Variants in TBC1D8 observed in about 807,000 individuals in gnomAD.
The protein encoded by TBC1D8 is BUB2-like protein 1.
A neutral mutation model predicts 118.8 loss-of-function variants in TBC1D8; 65 were observed. The ratio of observed to expected loss-of-function variants is 0.55; its 90% CI spans 0.45 to 0.67. TBC1D8 has a LOEUF of 0.67. TBC1D8 is among the 30% of genes least tolerant of loss of function. The pLI is 0.00. For synonymous variants in TBC1D8, 566 were observed against 595.8 expected (o/e 0.95, Z 0.73); for missense variants, 1,376 against 1,471.2 (o/e 0.94, Z 1.06).
chr2:101,134,896 G>A (rs755579603), intron 1 of TBC1D8, among the ~76,000 whole-genome samples: 1 of 152,272 alleles, frequency 6.6e-6, no homozygotes, highest in Non-Finnish European at 1.5e-5. Flanking sequence ...ATATTTGGCC[G>A]GGCACGGTGG....
chr2:101,017,387 ATATGC>A (rs1679733480), intron 17 of TBC1D8, among the ~76,000 whole-genome samples: 1 of 152,176 alleles, frequency 6.6e-6, no homozygotes, highest in African/African-American at 2.4e-5. Context: ...ATGTAATTTT[ATATGC>A]TATACTTTTA....
intron 1 of TBC1D8, among the ~76,000 whole-genome samples, chr2:101,106,879 T>C (rs764022370): frequency 3.9e-5 from 6 of 152,240 alleles, no homozygotes; most frequent in South Asian, 2.1e-4. Flanking sequence ...CACTTTGTTA[T>C]AGAATATGCT....
At chr2:101,101,762 G>A (rs897418299) in intron 1 of TBC1D8, among the ~76,000 whole-genome samples, 4 of 152,140 alleles carry the variant, frequency 2.6e-5, no homozygotes, top group Non-Finnish European at 5.9e-5. Flanking sequence ...AGATGAAGCT[G>A]GAAGCCATGA....
Position 101,008,013 on chromosome 2 carries a change from T to G in TBC1D8, c.3276A>C (p.Ala1092=). 6.2e-7 allele frequency: 1 copy of G among 1,614,046 alleles called. No homozygotes were observed. Among genetic ancestry groups the G allele is most frequent in the Non-Finnish European group, 8.5e-7 (1 of 1,179,902 alleles). Residue 1092 remains alanine (A), a synonymous_variant, in exon 20 of 20, where the codon GCA becomes GCC. Coordinates refer to ENST00000409318, the MANE Select transcript of TBC1D8 (RefSeq NM_001330348.2). ...PQDSQAFPEA[A]ERDWTVSLEH... ...CAAGGGAGACAGTCCAGTCCCTTTC[T>G]GCCGCCTCTGGAAATGCCTGGGAGT... is the stretch of plus-strand genomic sequence containing the variant.
chr2:101,067,578 A>G (rs927260000), intron 2 of TBC1D8, among the ~76,000 whole-genome samples: 6 of 152,240 alleles, frequency 3.9e-5, no homozygotes, highest in South Asian at 2.1e-4. Context: ...TCTTCTAAAA[A>G]GTACATGTCT....
At chr2:101,085,838 G>A (rs1675579730) in intron 2 of TBC1D8, among the ~76,000 whole-genome samples, 1 of 152,070 alleles carries the variant, frequency 6.6e-6, no homozygotes, top group African/African-American at 2.4e-5. Flanking sequence ...AATGAATTGA[G>A]GATCAAAACA....
chr2:101,073,790 T>G (rs372142133), intron 2 of TBC1D8, among the ~76,000 whole-genome samples: 1 of 152,242 alleles, frequency 6.6e-6, no homozygotes, highest in East Asian at 1.9e-4. Flanking sequence ...ACTTTTCTTC[T>G]GCAGCTTCCT....
At chr2:101,059,833 G>T (rs563031248) in intron 2 of TBC1D8, among the ~76,000 whole-genome samples, 8 of 152,314 alleles carry the variant, frequency 5.3e-5, no homozygotes, top group Middle Eastern at 3.4e-3. Flanking sequence ...CAGCTACTCG[G>T]GAGGCTGAGG....
At chr2:101,099,211 A>G (rs990357724) in intron 1 of TBC1D8, among the ~76,000 whole-genome samples, 2 of 152,244 alleles carry the variant, frequency 1.3e-5, no homozygotes, top group African/African-American at 4.8e-5. Flanking sequence ...ACAAACTGCC[A>G]TCAGAGAATA....
intron 5 of TBC1D8, among the ~76,000 whole-genome samples, chr2:101,042,825 G>A (rs1244816924): frequency 1.3e-5 from 2 of 151,634 alleles, no homozygotes; most frequent in South Asian, 4.2e-4. Context: ...TGCCATAAAC[G>A]CAAGATAGTA....
chr2:101,144,230 T>A (rs777895881), intron 1 of TBC1D8, among the ~76,000 whole-genome samples: 1 of 152,200 alleles, frequency 6.6e-6, no homozygotes, highest in Non-Finnish European at 1.5e-5. Flanking sequence ...CACAGACCTA[T>A]GACCTCCCTC....
chr2:101,009,416 A>G lies in TBC1D8; in HGVS notation c.3016-1143T>C, dbSNP rs1031703168. On this transcript the variant is annotated intron_variant, in intron 19 of 19. Coordinates refer to ENST00000409318, the MANE Select transcript of TBC1D8 (RefSeq NM_001330348.2). ...GTGAGACTCTGTCTCCAAAAAAAAA[A>G]AAAAAAAGAAAAATGCTTGGGTACT... Among the ~76,000 whole-genome samples, 12 of 131,008 alleles carry G rather than the reference A, an allele frequency of 9.2e-5. No homozygotes were observed. In the East Asian group the frequency reaches 2.3e-3, roughly 25 times the overall value. 85.9% of individuals were successfully genotyped at this position (131,008 alleles called of 152,430 possible). A position where few individuals can be genotyped will look rare whatever the true frequency, so the allele number is the denominator to read the frequency against.
chr2:101,038,378 G>A (rs556532493), intron 7 of TBC1D8, 83 bp downstream of exon 7: 7 of 1,447,080 alleles, frequency 4.8e-6, no homozygotes, highest in Admixed American at 3.7e-5. Context: ...ATCCCCACAT[G>A]GCTCTCCCCA....
intron 19 of TBC1D8, among the ~76,000 whole-genome samples, chr2:101,009,707 CA>C (rs1679044994): frequency 6.6e-6 from 1 of 151,926 alleles, no homozygotes; most frequent in Non-Finnish European, 1.5e-5. Flanking sequence ...ACTAATCCCA[CA>C]AGATGTTTTG....
intron 1 of TBC1D8, among the ~76,000 whole-genome samples, chr2:101,118,425 A>T (rs140472506): frequency 2.6e-5 from 4 of 152,274 alleles, no homozygotes; most frequent in East Asian, 1.9e-4. Flanking sequence ...AGCCGGGCAC[A>T]GTGGCTCATG....
chr2:101,105,492 A>C (rs923263603), intron 1 of TBC1D8, among the ~76,000 whole-genome samples: 1 of 151,646 alleles, frequency 6.6e-6, no homozygotes, highest in African/African-American at 2.4e-5. Context: ...CGGAGGCTGA[A>C]GCAGGAGAAT....
chr2:101,095,069 C>T (rs535749549), intron 1 of TBC1D8, among the ~76,000 whole-genome samples: 16 of 152,128 alleles, frequency 1.1e-4, no homozygotes, highest in African/African-American at 3.1e-4. Flanking sequence ...AAGCCACAGT[C>T]TCTAGGGTAC....
intron 18 of TBC1D8, 105 bp downstream of exon 18, chr2:101,011,346 G>T: frequency 8.6e-7 from 1 of 1,166,256 alleles, no homozygotes; most frequent in Non-Finnish European, 1.3e-6. Flanking sequence ...ATTGGACGAA[G>T]GGAAAAGACA....
chr2:101,014,643 C>T (rs1679479920), intron 17 of TBC1D8, among the ~76,000 whole-genome samples: 1 of 152,140 alleles, frequency 6.6e-6, no homozygotes, highest in Admixed American at 6.5e-5. Context: ...TGGGCCATTC[C>T]CATTATTAGT....
Sources: allele counts gnomAD v4.1 joint callset (sites outside exome capture counted in the v4.1 genomes callset), GRCh38; gene constraint gnomAD v4.1.1; transcripts MANE v1.5; gene names NCBI Gene and HGNC (gene_info 2026-07-23, HGNC 2026-07-21).